TMEM169: variants seen among roughly 807,000 people sequenced by gnomAD.
The protein encoded by TMEM169 is transmembrane protein 169.
A neutral mutation model predicts 27.3 loss-of-function variants in TMEM169; 18 were observed. The observed-to-expected ratio is 0.66, with a 90% CI of 0.46 to 0.98. The LOEUF is 0.98. Ranked by LOEUF, TMEM169 falls within the 50% of genes least tolerant of loss-of-function variation. TMEM169 has a pLI of 0.00. For missense variants in TMEM169, 320 were observed against 368.6 expected (o/e 0.87, Z 1.08); for synonymous variants, 136 against 142.1 (o/e 0.96, Z 0.30).
intron 1 of TMEM169, among the ~76,000 whole-genome samples, chr2:216,088,817 T>C (rs946240829): frequency 5.3e-5 from 8 of 152,218 alleles, no homozygotes; most frequent in African/African-American, 1.2e-4. Flanking sequence ...CCCTTTCTCC[T>C]TTCCTTTCCC....
intron 1 of TMEM169, among the ~76,000 whole-genome samples, chr2:216,091,263 G>A (rs1696115177): frequency 6.6e-6 from 1 of 152,090 alleles, no homozygotes; most frequent in Non-Finnish European, 1.5e-5. Context: ...TGGGATTAGT[G>A]CCCCCATAAA....
Position 216,095,857 on chromosome 2 carries a change from C to T in TMEM169, c.-107C>T. 1 of 1,332,970 alleles carries T rather than the reference C, an allele frequency of 7.5e-7. No individual in the cohort carries two copies. Among genetic ancestry groups the T allele is most frequent in the Non-Finnish European group, 1.0e-6 (1 of 983,814 alleles). The allele number at this position is 1,332,970 out of a possible 1,614,324, so 82.6% of individuals were successfully genotyped here. On this transcript the variant is annotated 5_prime_UTR_variant, in exon 2 of 3. Transcript: ENST00000437356. ...TTTCAGGTGGAATGCATCCTTGGGA[C>T]ATCTTTGCATAGCCCCATCTAGGAA...
chr2:216,093,416 A>C (rs767973486), intron 1 of TMEM169, among the ~76,000 whole-genome samples: 6 of 152,068 alleles, frequency 3.9e-5, no homozygotes, highest in Non-Finnish European at 7.4e-5. Context: ...ACCTCAGCCA[A>C]ATGAATCTCC....
At chr2:216,097,007 A>G (rs1696278798) in intron 2 of TMEM169, among the ~76,000 whole-genome samples, 1 of 152,228 alleles carries the variant, frequency 6.6e-6, no homozygotes. Context: ...GAGCAAATGG[A>G]TATACTTCAT....
intron 1 of TMEM169, among the ~76,000 whole-genome samples, chr2:216,084,854 C>T (rs967061404): frequency 6.6e-6 from 1 of 152,146 alleles, no homozygotes; most frequent in Admixed American, 6.5e-5. Context: ...GTGATTGGAG[C>T]ATAGTACCCC....
At position 216,100,113 on chromosome 2, in the gene TMEM169, C is replaced by A; in HGVS notation, c.465C>A (p.Asp155Glu). 5.0e-6 allele frequency: 8 copies of A among 1,614,174 alleles called. No individual in the cohort carries two copies. Among genetic ancestry groups the A allele is most frequent in the Non-Finnish European group, 6.8e-6 (8 of 1,180,034 alleles). Reference sequence around the variant, plus strand: ...GAATGGCCTGCCAGATGGGAGCTGACCGTGGGCCCCATGTGGTCCTCTGGA... The same window carrying A: ...GAATGGCCTGCCAGATGGGAGCTGAACGTGGGCCCCATGTGGTCCTCTGGA... ...EGRMACQMGA[D>E]RGPHVVLWTL... The change falls in exon 3 of 3, where the codon GAC (aspartate) becomes GAA (glutamate). Residue 155 changes from aspartate to glutamate, a missense_variant. Asp to Glu is a conservative substitution (Grantham distance 45). Coordinates refer to ENST00000437356, the MANE Select transcript of TMEM169 (RefSeq NM_001142311.2).
Position 216,100,310 on chromosome 2 carries a change from T to C in TMEM169, c.662T>C (p.Met221Thr), listed in dbSNP as rs766781898. 6.2e-7 allele frequency: 1 copy of C among 1,613,960 alleles called. No homozygotes were observed. The highest frequency in any genetic ancestry group is 1.1e-5 in the South Asian group (1 of 91,064). ...VLFYPVLIMA[M>T]ASSLGLYAAV... ...TTCTATCCAGTGCTCATCATGGCCA[T>C]GGCTTCTTCCCTCGGCCTCTACGCT... is the stretch of plus-strand genomic sequence containing the variant. The change falls in exon 3 of 3, where the codon ATG becomes ACG. Residue 221 changes from methionine to threonine, a missense_variant. By Grantham distance (81) the Met-to-Thr change is moderately conservative (BLOSUM62 -1). Transcript: ENST00000437356.
At chr2:216,093,859 C>T (rs1215790534) in intron 1 of TMEM169, among the ~76,000 whole-genome samples, 1 of 152,158 alleles carries the variant, frequency 6.6e-6, no homozygotes, top group African/African-American at 2.4e-5. Flanking sequence ...CTTCCTGTCA[C>T]ATGGTAATTA....
At chr2:216,083,621 G>A (rs1030327456) in intron 1 of TMEM169, among the ~76,000 whole-genome samples, 1 of 152,108 alleles carries the variant, frequency 6.6e-6, no homozygotes, top group African/African-American at 2.4e-5. Context: ...GGATTCTGAT[G>A]TCTTCCAGTG....
chr2:216,085,639 G>A (rs1197789326), intron 1 of TMEM169, among the ~76,000 whole-genome samples: 1 of 152,170 alleles, frequency 6.6e-6, no homozygotes, highest in Non-Finnish European at 1.5e-5. Context: ...GGGAGGCCAA[G>A]GCGGGCGGAT....
intron 2 of TMEM169, 73 bp downstream of exon 2, chr2:216,096,307 C>T (rs1303822795): frequency 6.7e-7 from 1 of 1,486,078 alleles, no homozygotes; most frequent in African/African-American, 1.4e-5. Context: ...AACAGACAGG[C>T]ATATGCTCAC....
At chr2:216,093,114 C>T (rs934224630) in intron 1 of TMEM169, among the ~76,000 whole-genome samples, 7 of 140,826 alleles carry the variant, frequency 5.0e-5, no homozygotes, top group Non-Finnish European at 7.5e-5. Context: ...TGGAACTTAA[C>T]GTAATAATGA....
intron 1 of TMEM169, among the ~76,000 whole-genome samples, chr2:216,091,574 A>AG (rs1213130652): frequency 3.3e-4 from 47 of 144,194 alleles, no homozygotes; most frequent in South Asian, 2.0e-3. Context: ...AAAAAAAAAA[A>AG]AAAAAGAGAG....
intron 1 of TMEM169, among the ~76,000 whole-genome samples, chr2:216,093,125 A>AGTGTGT (rs60241289): frequency 0.044 from 6,466 of 145,776 alleles, 162 homozygotes; most frequent in African/African-American, 0.061. Flanking sequence ...GTAATAATGA[A>AGTGTGT]GTGTGTGTGT....
In TMEM169 at chr2:216,099,427, G is replaced by A. The variant is rs545100596; in HGVS notation, c.272-493G>A. Among the ~76,000 whole-genome samples the A allele has an allele frequency of 2.0e-5, 3 of 151,908 alleles. No homozygotes were observed. The highest frequency in any genetic ancestry group is 2.1e-4 in the South Asian group (1 of 4,800). ...ATATGTGGGATGCATGTGTGTATGC[G>A]TGCAGCCCCTGGATGTGAGGGCTGG... On this transcript the variant is annotated intron_variant, in intron 2 of 2. Coordinates refer to ENST00000437356, the MANE Select transcript of TMEM169 (RefSeq NM_001142311.2). This position sits in a 1 kb window ranked among gnomAD's most constrained non-coding sequence, Gnocchi z 5.0.
At chr2:216,089,773 G>C (rs929802368) in intron 1 of TMEM169, among the ~76,000 whole-genome samples, 12 of 152,136 alleles carry the variant, frequency 7.9e-5, no homozygotes, top group African/African-American at 2.7e-4. Flanking sequence ...TCTAAATCTT[G>C]GTGGGGAAAT....
chr2:216,098,801 G>GGT (rs929518392), intron 2 of TMEM169, among the ~76,000 whole-genome samples: 2 of 150,544 alleles, frequency 1.3e-5, no homozygotes, highest in Non-Finnish European at 3.0e-5. Context: ...TGTGTCGTAT[G>GGT]GTGTGTGTGT....
rs1696413004 is a variant in TMEM169 at position 216,102,302 on chromosome 2, A to C, written c.*1760A>C. 1 of 152,128 alleles carries C rather than the reference A, an allele frequency of 6.6e-6. No individual in the cohort carries two copies. Among genetic ancestry groups the C allele is most frequent in the Admixed American group, 6.5e-5 (1 of 15,282 alleles). The allele number at this position is 152,128 out of a possible 1,614,324, so 9.4% of individuals were successfully genotyped here. The stretch of plus-strand genomic sequence containing the variant: ...CACAGACATGATCTTTGCTGTGCTG[A>C]GAAACTTGTGTCTACCTGGCCTGTA... On this transcript the variant is annotated 3_prime_UTR_variant, in exon 3 of 3. Coordinates refer to ENST00000437356, the MANE Select transcript of TMEM169 (RefSeq NM_001142311.2).
At chr2:216,083,788 C>T (rs903506020) in intron 1 of TMEM169, among the ~76,000 whole-genome samples, 9 of 152,142 alleles carry the variant, frequency 5.9e-5, no homozygotes, top group Non-Finnish European at 8.8e-5. Flanking sequence ...TCTCTTCAAG[C>T]GATCTTTTGT....
Sources: allele counts gnomAD v4.1 joint callset (sites outside exome capture counted in the v4.1 genomes callset), GRCh38; gene constraint gnomAD v4.1.1; non-coding constraint Gnocchi (gnomAD v3.1); transcripts MANE v1.5; gene names NCBI Gene and HGNC (gene_info 2026-07-23, HGNC 2026-07-21).